The following DNAJC18 variants were observed in gnomAD, a reference collection of about 807,000 sequenced individuals.
DNAJC18 encodes dnaJ homolog subfamily C member 18.
In DNAJC18, 40 loss-of-function variants were observed where a neutral mutation model predicts 48.6. The ratio of observed to expected loss-of-function variants is 0.82; its 90% CI spans 0.64 to 1.07. The LOEUF (loss-of-function observed/expected upper bound fraction) is 1.07, where lower values mean the gene tolerates loss of function less well. DNAJC18 is among the 50% of genes least tolerant of loss of function. The probability of loss-of-function intolerance (pLI) is 0.00; values close to 1 mark genes in which losing one functional copy is unlikely to be tolerated. For synonymous variants in DNAJC18, 135 were observed against 152.2 expected, an observed-to-expected ratio of 0.89 and a Z score of 0.83; for missense variants, 340 against 427.7, an observed-to-expected ratio of 0.79 and a Z score of 1.81.
intron 2 of DNAJC18, 109 bp from the exon 3 acceptor site, chr5:139,428,792 T>C (rs943846392): frequency 2.2e-6 from 3 of 1,333,694 alleles, no homozygotes; most frequent in Admixed American, 2.4e-5. Context: ...AACAAACCTA[T>C]AAGAAAATTA....
rs771467147 is a variant in DNAJC18 at position 139,426,357 on chromosome 5, G to A, written c.374C>T (p.Ala125Val). Reference sequence around the variant, plus strand: ...CAGGACTGCAAATGCATTTCCTATTGCTGCAACCAACAAGAACCAGCACAT... The same window carrying A: ...CAGGACTGCAAATGCATTTCCTATTACTGCAACCAACAAGAACCAGCACAT... ...CAPGATDAFK[A>V]IGNAFAVLSN... The change falls in exon 4 of 8, where the codon GCA (alanine) becomes GTA (valine). Residue 125 changes from alanine to valine, a missense_variant and splice_region_variant. By Grantham distance (64) the Ala-to-Val change is moderately conservative. Transcript: ENST00000302060. The A allele has an allele frequency of 3.7e-6, 6 of 1,613,750 alleles. No homozygotes were observed. In the East Asian group the frequency reaches 8.9e-5, roughly 24 times the overall value.
chr5:139,415,839 A>T (rs1347963824), intron 7 of DNAJC18, among the ~76,000 whole-genome samples: 1 of 152,118 alleles, frequency 6.6e-6, no homozygotes, highest in Non-Finnish European at 1.5e-5. Flanking sequence ...CTTTGAAATG[A>T]TTTCCTCAGG....
intron 2 of DNAJC18, among the ~76,000 whole-genome samples, chr5:139,436,515 C>CTTTTTTTTTTTTTT (rs57926576): frequency 1.5e-5 from 1 of 67,646 alleles, no homozygotes; most frequent in Non-Finnish European, 2.5e-5. Flanking sequence ...ATCCCTCTTT[C>CTTTTTTTTTTTTTT]TTTTTTTTTT....
chr5:139,432,512 G>T (rs1759346155), intron 2 of DNAJC18, among the ~76,000 whole-genome samples: 1 of 151,972 alleles, frequency 6.6e-6, no homozygotes, highest in Non-Finnish European at 1.5e-5. Flanking sequence ...TGTCACCCAG[G>T]CTGGAGTGCA....
intron 1 of DNAJC18, among the ~76,000 whole-genome samples, chr5:139,438,626 C>T (rs2152085842): frequency 6.6e-6 from 1 of 152,298 alleles, no homozygotes; most frequent in South Asian, 2.1e-4. Flanking sequence ...CTTAACATCC[C>T]TCAGCTACCT....
intron 4 of DNAJC18, 119 bp from the exon 5 acceptor site, chr5:139,425,233 G>A (rs554583510): frequency 5.9e-6 from 4 of 676,776 alleles, no homozygotes; most frequent in South Asian, 1.8e-5. Flanking sequence ...GGGTGATCTC[G>A]GCTCACTGCA....
intron 6 of DNAJC18, among the ~76,000 whole-genome samples, chr5:139,421,603 T>C (rs551220600): frequency 6.6e-6 from 1 of 152,192 alleles, no homozygotes; most frequent in African/African-American, 2.4e-5. Flanking sequence ...GTTAGGAGTT[T>C]GAGACCAGCC....
Position 139,426,280 on chromosome 5 carries a change from T to G in DNAJC18, c.451A>C (p.Thr151Pro). Reference sequence around the variant, plus strand: ...GGTCTGGCTCGAGGGGCAGTGAAAGTCACCTGTTCATCTCCGTATTCATCA... The same window carrying G: ...GGTCTGGCTCGAGGGGCAGTGAAAGGCACCTGTTCATCTCCGTATTCATCA... ...RYDEYGDEQV[T>P]FTAPRARPYN... The change falls in exon 4 of 8, where the codon ACT becomes CCT. Residue 151 changes from threonine (T) to proline (P), a missense_variant. Coordinates refer to ENST00000302060, the MANE Select transcript of DNAJC18 (RefSeq NM_152686.4). 6.2e-7 allele frequency: 1 copy of G among 1,614,196 alleles called. No homozygotes were observed. Among genetic ancestry groups the G allele is most frequent in the Non-Finnish European group, 8.5e-7 (1 of 1,180,032 alleles).
At chr5:139,437,280 CATT>C (rs1750684716) in intron 2 of DNAJC18, 89 bp downstream of exon 2, 6 of 1,386,484 alleles carry the variant, frequency 4.3e-6, no homozygotes, top group Non-Finnish European at 5.8e-6. Flanking sequence ...TCATCATCAT[CATT>C]ATCATCAGTC....
rs561897183 is a variant in DNAJC18, at chr5:139,412,906, C to T, written c.*1242G>A. ...GACGGAGGCATCCTCGGGAAAGGTT[C>T]TGCTTTGCCAGTCTGGCTAGAATCA... On this transcript the variant is annotated 3_prime_UTR_variant, in exon 8 of 8. Transcript: ENST00000302060. 1.3e-5 allele frequency: 5 copies of T among 398,646 alleles called. No individual in the cohort carries two copies. Among genetic ancestry groups the T allele is most frequent in the African/African-American group, 2.1e-5 (1 of 48,748 alleles). 24.7% of individuals were successfully genotyped at this position (398,646 alleles called of 1,614,324 possible). A position where few individuals can be genotyped will look rare whatever the true frequency, so the allele number is the denominator to read the frequency against.
chr5:139,421,766 C>T (rs1403315051), intron 6 of DNAJC18, among the ~76,000 whole-genome samples: 1 of 152,022 alleles, frequency 6.6e-6, no homozygotes, highest in Non-Finnish European at 1.5e-5. Context: ...CCAGATTGCA[C>T]CACTGCACTC....
At chr5:139,428,440 C>T in intron 3 of DNAJC18, 98 bp downstream of exon 3, 2 of 1,489,910 alleles carry the variant, frequency 1.3e-6, no homozygotes, top group Non-Finnish European at 1.8e-6. Context: ...AAAAAACCCT[C>T]CTTATGGCCT....
chr5:139,427,006 C>T (rs1759255682), intron 3 of DNAJC18, among the ~76,000 whole-genome samples: 1 of 152,102 alleles, frequency 6.6e-6, no homozygotes, highest in South Asian at 2.1e-4. Context: ...GGTGTGAGCC[C>T]TGCATCTGGC....
chr5:139,432,593 A>G (rs1759347682), intron 2 of DNAJC18, among the ~76,000 whole-genome samples: 1 of 152,202 alleles, frequency 6.6e-6, no homozygotes, highest in African/African-American at 2.4e-5. Flanking sequence ...CAGCCTCCCA[A>G]GTAGCTGAGA....
intron 7 of DNAJC18, among the ~76,000 whole-genome samples, chr5:139,418,164 T>A (rs927715702): frequency 1.3e-5 from 2 of 152,138 alleles, no homozygotes; most frequent in Non-Finnish European, 2.9e-5. Context: ...CTGATTTGGA[T>A]CCATGTATAT....
chr5:139,424,951 G>A (rs895096604), intron 5 of DNAJC18, 54 bp downstream of exon 5: 5 of 1,450,570 alleles, frequency 3.4e-6, no homozygotes, highest in East Asian at 2.3e-5. Flanking sequence ...GTACCATCAA[G>A]GTTGGCCAAG....
intron 6 of DNAJC18, among the ~76,000 whole-genome samples, chr5:139,421,593 G>C (rs551978459): frequency 1.3e-5 from 2 of 152,266 alleles, no homozygotes; most frequent in South Asian, 4.1e-4. Context: ...ATCACCTGAG[G>C]TTAGGAGTTT....
chr5:139,412,835 A>C lies in DNAJC18; in HGVS notation c.*1313T>G, dbSNP rs546172145. The C allele has an allele frequency of 7.5e-6, 3 of 398,680 alleles. No individual in the cohort carries two copies. In the South Asian group the frequency reaches 3.8e-4, roughly 51 times the overall value. The allele number at this position is 398,680 out of a possible 1,614,324, so 24.7% of individuals were successfully genotyped here. ...GCAGCAGGGATGTTGTCCTGAACAG[A>C]TGCAAGATTGCCACAGAAAAGATGA... On this transcript the variant is annotated 3_prime_UTR_variant, in exon 8 of 8. Coordinates refer to ENST00000302060, the MANE Select transcript of DNAJC18 (RefSeq NM_152686.4).
intron 5 of DNAJC18, among the ~76,000 whole-genome samples, chr5:139,424,590 C>G (rs901599103): frequency 6.6e-6 from 1 of 151,518 alleles, no homozygotes; most frequent in Non-Finnish European, 1.5e-5. Context: ...CATGGTGGCA[C>G]GCACCTATAG....
Sources: gnomAD v4.1 joint callset for allele counts (sites outside exome capture counted in the v4.1 genomes callset) on GRCh38, gnomAD v4.1.1 for gene constraint, MANE v1.5 for transcripts, NCBI Gene and HGNC (gene_info 2026-07-23, HGNC 2026-07-21) for gene names.